Variants in RBFOX1 observed in about 807,000 individuals in gnomAD.
RBFOX1 encodes RNA binding protein fox-1 homolog 1.
Under a neutral mutation model 57.7 loss-of-function variants are expected in RBFOX1, and 8 were observed. The observed-to-expected ratio is 0.14, with a 90% CI of 0.08 to 0.25. The LOEUF (loss-of-function observed/expected upper bound fraction) is 0.25, where lower values mean the gene tolerates loss of function less well. Among genes scored for constraint, RBFOX1 ranks in the 10% least tolerant of loss-of-function variants. RBFOX1 has a pLI of 1.00. For missense variants in RBFOX1, 611 were observed against 548.5 expected, an observed-to-expected ratio of 1.11 and a Z score of -1.14; for synonymous variants, 326 against 222.4, an observed-to-expected ratio of 1.47 and a Z score of -4.15.
chr16:5,244,109 C>T (rs559312787), intron 1 of RBFOX1, among the ~76,000 whole-genome samples: 1 of 152,258 alleles, frequency 6.6e-6, no homozygotes, highest in South Asian at 2.1e-4. Context: ...GTTGGCCAGG[C>T]TGGTCTCAAA....
chr16:6,459,476 A>G lies in RBFOX1; in HGVS notation c.-64+142419A>G, dbSNP rs77639583. Among the ~76,000 whole-genome samples, 84 of 152,310 alleles carry G rather than the reference A, an allele frequency of 5.5e-4. No homozygotes were observed. In the East Asian group the frequency reaches 0.013, roughly 23 times the overall value. ...ATCAAGCTTCAAAATAATCTAAACT[A>G]TTTGAAATGGAAGACACCTAAGAAA... On this transcript the variant is annotated intron_variant, in intron 2 of 15. Coordinates refer to ENST00000550418, the MANE Select transcript of RBFOX1 (RefSeq NM_018723.4).
chr16:7,309,652 C>T (rs2096266987), intron 4 of RBFOX1, among the ~76,000 whole-genome samples: 1 of 152,128 alleles, frequency 6.6e-6, no homozygotes, highest in African/African-American at 2.4e-5. Context: ...TTCATTTAAC[C>T]AGGTTCTCTG....
At chr16:7,418,275 G>T (rs1181272190) in intron 4 of RBFOX1, among the ~76,000 whole-genome samples, 1 of 152,206 alleles carries the variant, frequency 6.6e-6, no homozygotes, top group Non-Finnish European at 1.5e-5. Flanking sequence ...AGGTCTTCCA[G>T]AGTATACCAG....
intron 14 of RBFOX1, among the ~76,000 whole-genome samples, chr16:7,705,272 C>A (rs561216006): frequency 7.1e-4 from 108 of 152,072 alleles, no homozygotes; most frequent in African/African-American, 2.6e-3. Context: ...TTTGGGAGGC[C>A]GAGGCAGGAG....
intron 1 of RBFOX1, among the ~76,000 whole-genome samples, chr16:5,330,287 T>G (rs1310436366): frequency 6.6e-6 from 1 of 152,228 alleles, no homozygotes; most frequent in Non-Finnish European, 1.5e-5. Flanking sequence ...TTCTTTTAAC[T>G]GCTATGCTAA....
intron 1 of RBFOX1, among the ~76,000 whole-genome samples, chr16:5,393,080 G>C (rs1369752327): frequency 6.6e-6 from 1 of 152,130 alleles, no homozygotes; most frequent in Non-Finnish European, 1.5e-5. Flanking sequence ...AGAGTGGCGA[G>C]GGTGGGGCTG....
intron 4 of RBFOX1, among the ~76,000 whole-genome samples, chr16:7,488,363 A>G (rs1446267534): frequency 4.6e-5 from 7 of 152,162 alleles, no homozygotes; most frequent in Non-Finnish European, 1.5e-5. Context: ...ATACACATTT[A>G]GATATACAAC....
At chr16:6,677,545 A>T (rs746672700) in intron 3 of RBFOX1, among the ~76,000 whole-genome samples, 3 of 152,216 alleles carry the variant, frequency 2.0e-5, no homozygotes, top group Non-Finnish European at 4.4e-5. Flanking sequence ...CTAGGATTAA[A>T]TAAAAATTAA....
At chr16:5,637,498 A>G in intron 3 of RBFOX1, among the ~76,000 whole-genome samples, 1 of 152,218 alleles carries the variant, frequency 6.6e-6, no homozygotes, top group South Asian at 2.1e-4. Context: ...TAGCAAGCTA[A>G]TGTCTATAAT....
chr16:7,345,344 A>G (rs1184491427), intron 4 of RBFOX1, among the ~76,000 whole-genome samples: 1 of 152,154 alleles, frequency 6.6e-6, no homozygotes, highest in African/African-American at 2.4e-5. Flanking sequence ...TTTTGACAGA[A>G]CATGTGAAAT....
chr16:6,835,808 G>A (rs540544830), intron 3 of RBFOX1, among the ~76,000 whole-genome samples: 5 of 148,906 alleles, frequency 3.4e-5, no homozygotes, highest in Non-Finnish European at 5.9e-5. Context: ...GCTCTAAATC[G>A]GTGTCCTGAT....
At chr16:6,121,785 C>A (rs2096551697) in intron 1 of RBFOX1, among the ~76,000 whole-genome samples, 1 of 152,190 alleles carries the variant, frequency 6.6e-6, no homozygotes, top group Non-Finnish European at 1.5e-5. Context: ...ACTGTTTCCT[C>A]CTCTGTAAAA....
chr16:6,053,768 T>G (rs1031135492), intron 1 of RBFOX1, among the ~76,000 whole-genome samples: 5 of 152,282 alleles, frequency 3.3e-5, no homozygotes, highest in Admixed American at 3.3e-4. Context: ...TGGGACCCCC[T>G]TAGGCTGGGC....
At position 7,011,990 on chromosome 16, in the gene RBFOX1, G is replaced by T. The variant is rs183080452; in HGVS notation, c.-15-40067G>T. 3.3e-5 allele frequency among the ~76,000 whole-genome samples: 5 copies of T among 152,272 alleles called. No individual in the cohort carries two copies. In the East Asian group the frequency reaches 9.7e-4, roughly 29 times the overall value. ...CATTGGCTAAGTAGATCATGATGTG[G>T]TGTTCTGATCAATGAGGTCTAGTCC... On this transcript the variant is annotated intron_variant, in intron 3 of 15. Coordinates refer to ENST00000550418, the MANE Select transcript of RBFOX1 (RefSeq NM_018723.4).
At chr16:5,252,114 C>T (rs1481297965) in intron 1 of RBFOX1, among the ~76,000 whole-genome samples, 1 of 152,138 alleles carries the variant, frequency 6.6e-6, no homozygotes, top group Non-Finnish European at 1.5e-5. Flanking sequence ...GCCAGGTGAC[C>T]CTCTGTTTAC....
intron 2 of RBFOX1, among the ~76,000 whole-genome samples, chr16:6,618,698 G>C (rs2098179400): frequency 6.6e-6 from 1 of 152,172 alleles, no homozygotes; most frequent in Non-Finnish European, 1.5e-5. Flanking sequence ...GTTGGTATTA[G>C]AAAGGGAAAG....
chr16:7,287,712 A>C (rs1268466721), intron 4 of RBFOX1, among the ~76,000 whole-genome samples: 1 of 152,216 alleles, frequency 6.6e-6, no homozygotes. Flanking sequence ...TGTTTCCTCA[A>C]AGCTTTGAAA....
At chr16:5,284,097 AGTTTCCCTGCAGAAGCTCTCTC>A in intron 1 of RBFOX1, among the ~76,000 whole-genome samples, 1 of 152,110 alleles carries the variant, frequency 6.6e-6, no homozygotes, top group Middle Eastern at 3.5e-3. Flanking sequence ...TAAAAAGGGT[AGTTTCCCTGCAGAAGCTCTCTC>A]TTTGCCTGCT....
chr16:6,702,228 A>C (rs2061963812), intron 3 of RBFOX1, among the ~76,000 whole-genome samples: 1 of 152,188 alleles, frequency 6.6e-6, no homozygotes, highest in South Asian at 2.1e-4. Context: ...ACTGGAGATC[A>C]CATTTCAACA....
Sources: allele counts gnomAD v4.1 joint callset (sites outside exome capture counted in the v4.1 genomes callset), GRCh38; gene constraint gnomAD v4.1.1; transcripts MANE v1.5; gene names NCBI Gene and HGNC (gene_info 2026-07-23, HGNC 2026-07-21).